SEMA5A: variants seen among roughly 807,000 people sequenced by gnomAD.
SEMA5A encodes semaphorin-5A.
A neutral mutation model predicts 135.5 loss-of-function variants in SEMA5A; 55 were observed. The ratio of observed to expected loss-of-function variants is 0.41; its 90% confidence interval spans 0.33 to 0.51. The LOEUF is 0.51. Among genes scored for constraint, SEMA5A ranks in the 20% least tolerant of loss-of-function variants. The pLI is 0.37. For synonymous variants in SEMA5A, 580 were observed against 546.5 expected (o/e 1.06, Z -0.85); for missense variants, 1,290 against 1,419.9 (o/e 0.91, Z 1.47).
intron 11 of SEMA5A, among the ~76,000 whole-genome samples, chr5:9,185,977 AAGTAAG>A (rs1744786831): frequency 6.6e-6 from 1 of 152,182 alleles, no homozygotes; most frequent in Non-Finnish European, 1.5e-5. Context: ...TTTCCAAGTC[AAGTAAG>A]GGAGAAACTC....
intron 16 of SEMA5A, among the ~76,000 whole-genome samples, chr5:9,099,064 G>A (rs1739480372): frequency 6.6e-6 from 1 of 152,080 alleles, no homozygotes; most frequent in Admixed American, 6.5e-5. Flanking sequence ...CATACCAATT[G>A]CAATTTCCAG....
chr5:9,045,711 A>AATATG (rs1736215291), intron 21 of SEMA5A: 1 of 152,220 alleles, frequency 6.6e-6, no homozygotes, highest in African/African-American at 2.4e-5. Context: ...AAATGAACAA[A>AATATG]ATATGATATT....
At chr5:9,086,491 T>C (rs750795318) in intron 16 of SEMA5A, among the ~76,000 whole-genome samples, 94 of 152,306 alleles carry the variant, frequency 6.2e-4, no homozygotes, top group Non-Finnish European at 1.2e-3. Flanking sequence ...TCTTCTCTTG[T>C]CTGCCGCCAT....
At chr5:9,483,469 C>T (rs1759957617) in intron 1 of SEMA5A, among the ~76,000 whole-genome samples, 1 of 152,108 alleles carries the variant, frequency 6.6e-6, no homozygotes, top group Non-Finnish European at 1.5e-5. Context: ...AAATACCAGG[C>T]ATAACAAAAG....
chr5:9,118,932 A>G (rs1244715109), intron 15 of SEMA5A, 66 bp downstream of exon 15: 1 of 1,573,242 alleles, frequency 6.4e-7, no homozygotes, highest in African/African-American at 1.4e-5. Flanking sequence ...ACCGCGGGGA[A>G]CTCGACCTGG....
intron 11 of SEMA5A, among the ~76,000 whole-genome samples, chr5:9,166,619 T>C (rs1049846995): frequency 2.0e-5 from 3 of 152,188 alleles, no homozygotes; most frequent in African/African-American, 4.8e-5. Context: ...AAATGACAAC[T>C]CTTTTACAGC....
intron 1 of SEMA5A, among the ~76,000 whole-genome samples, chr5:9,525,792 C>CT (rs1267880701): frequency 6.6e-6 from 1 of 152,160 alleles, no homozygotes; most frequent in Admixed American, 6.5e-5. Context: ...GAAATTGTAT[C>CT]TTTTTTTCTT....
intron 5 of SEMA5A, among the ~76,000 whole-genome samples, chr5:9,288,094 C>T (rs1750888671): frequency 6.6e-6 from 1 of 152,162 alleles, no homozygotes; most frequent in African/African-American, 2.4e-5. Flanking sequence ...AAAAGCACTT[C>T]ACAAAACTGG....
intron 16 of SEMA5A, among the ~76,000 whole-genome samples, chr5:9,102,662 C>T (rs1739693795): frequency 6.6e-6 from 1 of 152,060 alleles, no homozygotes; most frequent in Non-Finnish European, 1.5e-5. Flanking sequence ...AATAAAACTA[C>T]AAAAATCATC....
At position 9,087,471 on chromosome 5, in the gene SEMA5A, G is replaced by A. The variant is rs371930756; in HGVS notation, c.2073+20669C>T. Among the ~76,000 whole-genome samples the A allele has an allele frequency of 3.2e-4, 48 of 151,872 alleles. No individual in the cohort carries two copies. In the East Asian group the frequency reaches 7.9e-3, roughly 25 times the overall value. On this transcript the variant is annotated intron_variant, in intron 16 of 22. Coordinates refer to ENST00000382496, the MANE Select transcript of SEMA5A (RefSeq NM_003966.3). ...GTGTGTTTCTAAAATATAAAATGGT[G>A]ATTAAATAATTAAATGGGCAAACTT...
At chr5:9,287,469 T>C (rs1433617445) in intron 5 of SEMA5A, among the ~76,000 whole-genome samples, 1 of 152,210 alleles carries the variant, frequency 6.6e-6, no homozygotes, top group African/African-American at 2.4e-5. Context: ...TTTCCCTAAA[T>C]ATGATTTAAA....
intron 2 of SEMA5A, among the ~76,000 whole-genome samples, chr5:9,436,736 G>T (rs931408645): frequency 6.6e-6 from 1 of 152,162 alleles, no homozygotes; most frequent in Non-Finnish European, 1.5e-5. Flanking sequence ...ACTAGTATAT[G>T]GAATGAAATT....
intron 2 of SEMA5A, among the ~76,000 whole-genome samples, chr5:9,432,573 A>C (rs186861040): frequency 6.6e-6 from 1 of 152,318 alleles, no homozygotes; most frequent in Admixed American, 6.5e-5. Flanking sequence ...AATCAAGACA[A>C]GTAAAGACTG....
intron 16 of SEMA5A, among the ~76,000 whole-genome samples, chr5:9,102,333 G>T (rs560090782): frequency 3.7e-4 from 56 of 152,284 alleles, no homozygotes; most frequent in Non-Finnish European, 6.8e-4. Flanking sequence ...AATTAAATGG[G>T]GAACTAGAGA....
chr5:9,482,047 T>C (rs1238445979), intron 1 of SEMA5A, among the ~76,000 whole-genome samples: 1 of 152,204 alleles, frequency 6.6e-6, no homozygotes, highest in African/African-American at 2.4e-5. Context: ...TCATGAAATT[T>C]CACTGACCCA....
chr5:9,179,987 G>A (rs1394079393), intron 11 of SEMA5A, among the ~76,000 whole-genome samples: 1 of 152,184 alleles, frequency 6.6e-6, no homozygotes, highest in East Asian at 1.9e-4. Context: ...GAATCTGGGT[G>A]GAATTCTTGT....
intron 5 of SEMA5A, among the ~76,000 whole-genome samples, chr5:9,286,063 TG>T (rs1429345139): frequency 6.6e-6 from 1 of 152,186 alleles, no homozygotes; most frequent in Non-Finnish European, 1.5e-5. Flanking sequence ...TTTAAAAGGA[TG>T]CTTCCTGAAA....
chr5:9,174,218 T>C (rs1744084760), intron 11 of SEMA5A, among the ~76,000 whole-genome samples: 1 of 152,168 alleles, frequency 6.6e-6, no homozygotes, highest in Admixed American at 6.5e-5. Flanking sequence ...GACATTCTGG[T>C]GAAAGGAAAT....
intron 21 of SEMA5A, among the ~76,000 whole-genome samples, chr5:9,047,726 A>C (rs1025799930): frequency 1.3e-5 from 2 of 152,208 alleles, no homozygotes; most frequent in African/African-American, 4.8e-5. Flanking sequence ...TTAGCCCTAC[A>C]ATAAGATTCA....
Sources: allele counts gnomAD v4.1 joint callset (sites outside exome capture counted in the v4.1 genomes callset), GRCh38; gene constraint gnomAD v4.1.1; transcripts MANE v1.5; gene names NCBI Gene and HGNC (gene_info 2026-07-23, HGNC 2026-07-21).